The following DYTN variants were observed in gnomAD, a reference collection of about 807,000 sequenced individuals.
DYTN encodes the protein dystrotelin.
Under a neutral mutation model 69.6 loss-of-function variants are expected in DYTN, and 75 were observed. The observed-to-expected ratio is 1.08, with a 90% CI of 0.89 to 1.31. The LOEUF is 1.31. Among genes scored for constraint, DYTN ranks in the 50% most tolerant of loss-of-function variants. DYTN has a pLI of 0.00. For missense variants in DYTN, 726 were observed against 688.4 expected, an observed-to-expected ratio of 1.05 and a Z score of -0.61; for synonymous variants, 252 against 249.1, an observed-to-expected ratio of 1.01 and a Z score of -0.11.
intron 11 of DYTN, among the ~76,000 whole-genome samples, chr2:206,658,818 CACTCT>C (rs1228446251): frequency 6.6e-6 from 1 of 152,174 alleles, no homozygotes; most frequent in African/African-American, 2.4e-5. Flanking sequence ...CTAATATCAT[CACTCT>C]ACTCCTCTGT....
intron 9 of DYTN, among the ~76,000 whole-genome samples, chr2:206,682,889 C>T (rs992949359): frequency 2.0e-5 from 3 of 151,978 alleles, no homozygotes; most frequent in Non-Finnish European, 4.4e-5. Flanking sequence ...TAATTTAGTG[C>T]AAATGCAGGA....
At chr2:206,715,021 A>G (rs1457842559) in intron 1 of DYTN, among the ~76,000 whole-genome samples, 1 of 151,992 alleles carries the variant, frequency 6.6e-6, no homozygotes, top group Non-Finnish European at 1.5e-5. Context: ...TTGAAGGAAC[A>G]GATGTCTAAG....
intron 3 of DYTN, among the ~76,000 whole-genome samples, chr2:206,706,270 GAA>G (rs148649086): frequency 6.7e-6 from 1 of 149,436 alleles, no homozygotes; most frequent in Non-Finnish European, 1.5e-5. Flanking sequence ...TTTATGCAAA[GAA>G]AAAAAAAATC....
chr2:206,708,615 C>T (rs1045915674), intron 2 of DYTN, among the ~76,000 whole-genome samples: 3 of 152,122 alleles, frequency 2.0e-5, no homozygotes, highest in East Asian at 1.9e-4. Context: ...GAACACAGGC[C>T]GATTTCATCT....
intron 11 of DYTN, among the ~76,000 whole-genome samples, chr2:206,661,619 T>G (rs2105887736): frequency 6.6e-6 from 1 of 152,322 alleles, no homozygotes; most frequent in South Asian, 2.1e-4. Context: ...CACTTCCACT[T>G]AAATATATTT....
intron 9 of DYTN, among the ~76,000 whole-genome samples, chr2:206,690,119 G>C (rs1477410273): frequency 2.0e-5 from 3 of 152,200 alleles, no homozygotes; most frequent in Admixed American, 2.0e-4. Context: ...AGTGAGGAAA[G>C]TGGTTGAATG....
At chr2:206,717,726 G>A (rs1226700283) in intron 1 of DYTN, among the ~76,000 whole-genome samples, 1 of 152,190 alleles carries the variant, frequency 6.6e-6, no homozygotes. Flanking sequence ...GGGGAGTAAG[G>A]CTCCAAACAG....
chr2:206,686,006 C>T (rs1699801829), intron 9 of DYTN, among the ~76,000 whole-genome samples: 1 of 148,504 alleles, frequency 6.7e-6, no homozygotes, highest in Admixed American at 6.7e-5. Context: ...AAAAAAGCTA[C>T]ACATTTCCAG....
intron 2 of DYTN, among the ~76,000 whole-genome samples, chr2:206,709,509 A>G (rs1041581299): frequency 3.9e-5 from 6 of 151,986 alleles, no homozygotes; most frequent in Non-Finnish European, 7.4e-5. Flanking sequence ...TGGAAAATAG[A>G]GAAGGATGGA....
intron 3 of DYTN, among the ~76,000 whole-genome samples, chr2:206,706,921 T>C (rs1700033372): frequency 6.7e-6 from 1 of 149,680 alleles, no homozygotes; most frequent in Admixed American, 6.6e-5. Context: ...AAAAAACAAT[T>C]GATAATGGTT....
At chr2:206,701,595 A>G (rs1196238825) in intron 5 of DYTN, among the ~76,000 whole-genome samples, 3 of 152,214 alleles carry the variant, frequency 2.0e-5, no homozygotes, top group Non-Finnish European at 4.4e-5. Context: ...CATTGAATTC[A>G]TAGAAACAGA....
intron 9 of DYTN, among the ~76,000 whole-genome samples, chr2:206,684,864 A>G (rs930488217): frequency 6.6e-6 from 1 of 152,158 alleles, no homozygotes; most frequent in Non-Finnish European, 1.5e-5. Flanking sequence ...AGATTTATAA[A>G]CCAGAAATGT....
At chr2:206,653,043 T>C (rs1291755563) in intron 11 of DYTN, among the ~76,000 whole-genome samples, 1 of 152,176 alleles carries the variant, frequency 6.6e-6, no homozygotes. Flanking sequence ...ATCTGTGCTG[T>C]TTTTTGTTGA....
chr2:206,702,466 G>T (rs900502872), intron 5 of DYTN, among the ~76,000 whole-genome samples: 2 of 152,230 alleles, frequency 1.3e-5, no homozygotes, highest in African/African-American at 2.4e-5. Flanking sequence ...AAACATTTGT[G>T]TAATAGTGAC....
intron 1 of DYTN, among the ~76,000 whole-genome samples, chr2:206,716,292 T>G (rs1325582106): frequency 3.3e-5 from 5 of 151,852 alleles, no homozygotes; most frequent in Non-Finnish European, 5.9e-5. Context: ...GGGATTAGAG[T>G]GCTGAACCAG....
At position 206,699,798 on chromosome 2, in the gene DYTN, T is replaced by C. The variant is rs1407699141; in HGVS notation, c.648A>G (p.Leu216=). Residue 216 remains leucine (L), a synonymous_variant, in exon 7 of 12, where the codon TTA becomes TTG. Coordinates refer to ENST00000452335, the MANE Select transcript of DYTN (RefSeq NM_001093730.1). ...GGTGAGTGACCCTTTCAGCAGCTGA[T>C]AACCGGTGGCAGGTCGGGAGCCACA... ...ILLWLPTCHR[L]SAAERVTHPA... 3.7e-6 allele frequency: 6 copies of C among 1,613,712 alleles called. No homozygotes were observed. The highest frequency in any genetic ancestry group is 4.5e-5 in the East Asian group (2 of 44,860).
chr2:206,667,699 T>C (rs1293885256), intron 9 of DYTN, among the ~76,000 whole-genome samples: 3 of 103,526 alleles, frequency 2.9e-5, no homozygotes, highest in Middle Eastern at 3.9e-3. Context: ...TGCGTGTGCG[T>C]GTGTGTGTGT....
intron 9 of DYTN, among the ~76,000 whole-genome samples, chr2:206,691,254 A>C (rs1284805055): frequency 6.6e-6 from 1 of 152,182 alleles, no homozygotes; most frequent in South Asian, 2.1e-4. Context: ...CTCTACTAAA[A>C]ATACAAAAAT....
chr2:206,672,400 A>G (rs985541858), intron 9 of DYTN, among the ~76,000 whole-genome samples: 3 of 152,218 alleles, frequency 2.0e-5, no homozygotes. Context: ...TGAATTGTGA[A>G]TGTTTTTCCA....
Sources: gnomAD v4.1 joint callset for allele counts (sites outside exome capture counted in the v4.1 genomes callset) on GRCh38, gnomAD v4.1.1 for gene constraint, MANE v1.5 for transcripts, NCBI Gene and HGNC (gene_info 2026-07-23, HGNC 2026-07-21) for gene names.